ASPH: variants seen among roughly 807,000 people sequenced by gnomAD.
The protein encoded by ASPH is aspartyl/asparaginyl beta-hydroxylase.
Under a neutral mutation model 118.4 loss-of-function variants are expected in ASPH, and 100 were observed. That is an observed-to-expected ratio of 0.84 (90% CI 0.72 to 1.00). The LOEUF (loss-of-function observed/expected upper bound fraction) is 1.00. Among genes scored for constraint, ASPH ranks in the 50% least tolerant of loss-of-function variants. The pLI is 0.00. For synonymous variants in ASPH, 315 were observed against 325.6 expected, an observed-to-expected ratio of 0.97 and a Z score of 0.35; for missense variants, 920 against 919.5, an observed-to-expected ratio of 1.00 and a Z score of -0.01.
intron 3 of ASPH, chr8:61,663,642 G>A (rs141719917): frequency 1.0e-6 from 1 of 985,258 alleles, no homozygotes; most frequent in Non-Finnish European, 1.2e-6. Context: ...CTTGTAATGT[G>A]TAAAAATGGC....
At chr8:61,630,534 A>G (rs1357837314) in intron 13 of ASPH, among the ~76,000 whole-genome samples, 3 of 152,198 alleles carry the variant, frequency 2.0e-5, no homozygotes, top group Non-Finnish European at 4.4e-5. Flanking sequence ...TCATGTAGCA[A>G]TGTTTTGGAT....
chr8:61,665,560 AG>A (rs762569931), intron 3 of ASPH: 1 of 1,592,510 alleles, frequency 6.3e-7, no homozygotes, highest in Non-Finnish European at 8.6e-7. Context: ...TCCTTGACTC[AG>A]GTTTCTCTTT....
chr8:61,534,792 C>T (rs745701508), intron 21 of ASPH, among the ~76,000 whole-genome samples: 37 of 152,314 alleles, frequency 2.4e-4, no homozygotes, highest in Non-Finnish European at 3.7e-4. Flanking sequence ...ATTTCAGTAA[C>T]GGGATTTACG....
At chr8:61,510,703 G>A (rs887263516) in intron 24 of ASPH, among the ~76,000 whole-genome samples, 2 of 152,156 alleles carry the variant, frequency 1.3e-5, no homozygotes, top group Non-Finnish European at 2.9e-5. Flanking sequence ...GTCAAGACAT[G>A]GTATGGATGT....
At chr8:61,666,550 A>C (rs1047105034) in intron 3 of ASPH, among the ~76,000 whole-genome samples, 1 of 152,234 alleles carries the variant, frequency 6.6e-6, no homozygotes, top group Non-Finnish European at 1.5e-5. Context: ...TTTGCCCATC[A>C]AAATCACATA....
chr8:61,628,323 C>CTTT (rs398008041), intron 13 of ASPH: 84 of 196,652 alleles, frequency 4.3e-4, no homozygotes, highest in South Asian at 9.5e-4. Context: ...CCAAGCCCGG[C>CTTT]TTTTTTTTTT....
chr8:61,612,534 G>A (rs1249444574), intron 14 of ASPH, among the ~76,000 whole-genome samples: 1 of 151,934 alleles, frequency 6.6e-6, no homozygotes, highest in Non-Finnish European at 1.5e-5. Flanking sequence ...CCACCACCTG[G>A]CTAATTTTTG....
intron 1 of ASPH, among the ~76,000 whole-genome samples, chr8:61,704,534 T>TAA (rs1836101667): frequency 6.6e-6 from 1 of 151,644 alleles, no homozygotes; most frequent in Non-Finnish European, 1.5e-5. Context: ...ATATCAGCAT[T>TAA]AAAAATAAAA....
intron 18 of ASPH, among the ~76,000 whole-genome samples, chr8:61,561,333 T>C (rs1189406019): frequency 2.6e-5 from 4 of 152,236 alleles, no homozygotes; most frequent in African/African-American, 9.7e-5. Flanking sequence ...AAATGCAATG[T>C]TCCACATGGA....
intron 13 of ASPH, among the ~76,000 whole-genome samples, chr8:61,631,055 T>A (rs72659021): frequency 1.3e-5 from 2 of 152,148 alleles, no homozygotes; most frequent in African/African-American, 4.8e-5. Context: ...AAAATAAAAA[T>A]GCTTATAAAA....
intron 14 of ASPH, among the ~76,000 whole-genome samples, chr8:61,615,273 G>A (rs1848650598): frequency 6.6e-6 from 1 of 152,056 alleles, no homozygotes; most frequent in African/African-American, 2.4e-5. Flanking sequence ...TCTCCCAGAC[G>A]CCGGTGCAAC....
chr8:61,711,471 G>A (rs1254130777), intron 1 of ASPH, among the ~76,000 whole-genome samples: 1 of 152,000 alleles, frequency 6.6e-6, no homozygotes, highest in South Asian at 2.1e-4. Context: ...ATATTATAAA[G>A]AGTAAAACTG....
At chr8:61,713,503 A>G (rs545255711) in intron 1 of ASPH, among the ~76,000 whole-genome samples, 34 of 152,202 alleles carry the variant, frequency 2.2e-4, no homozygotes, top group Non-Finnish European at 4.7e-4. Context: ...TGCAGTTTCA[A>G]TATCCCAAAT....
intron 15 of ASPH, among the ~76,000 whole-genome samples, chr8:61,580,283 G>T (rs1837077448): frequency 6.6e-6 from 1 of 152,174 alleles, no homozygotes; most frequent in South Asian, 2.1e-4. Flanking sequence ...GACTCTATGT[G>T]GGGGATCCAA....
chr8:61,533,029 C>A (rs1247192330), intron 21 of ASPH, among the ~76,000 whole-genome samples: 1 of 152,042 alleles, frequency 6.6e-6, no homozygotes, highest in Non-Finnish European at 1.5e-5. Flanking sequence ...CTCAGTGGCA[C>A]CCTTCAACCT....
Position 61,638,318 on chromosome 8 carries a change from T to A in ASPH, c.832+4A>T. 6.3e-7 allele frequency: 1 copy of A among 1,597,986 alleles called. No homozygotes were observed. The highest frequency in any genetic ancestry group is 8.5e-7 in the Non-Finnish European group (1 of 1,175,704). ...GAAAATATGTGCTTACAGAAAAAAC[T>A]TACCTGTGATTTCTATCCCTTCATT... On this transcript the variant is annotated splice_donor_region_variant and intron_variant, in intron 11 of 24. Coordinates refer to ENST00000379454, the MANE Select transcript of ASPH (RefSeq NM_004318.4).
At chr8:61,593,598 T>C (rs1044308022) in intron 14 of ASPH, among the ~76,000 whole-genome samples, 2 of 152,210 alleles carry the variant, frequency 1.3e-5, no homozygotes, top group Non-Finnish European at 2.9e-5. Context: ...GCTGGGAGCA[T>C]TCAATGGAGA....
At chr8:61,626,440 C>T (rs1190907744) in intron 13 of ASPH, among the ~76,000 whole-genome samples, 1 of 151,958 alleles carries the variant, frequency 6.6e-6, no homozygotes, top group Non-Finnish European at 1.5e-5. Flanking sequence ...TAATCAACTA[C>T]CGAAAGAAGC....
chr8:61,661,645 C>T (rs369668389), intron 3 of ASPH: 3 of 255,782 alleles, frequency 1.2e-5, no homozygotes, highest in South Asian at 1.7e-4. Context: ...TAAAACATTT[C>T]AAATTACAAA....
Sources: allele counts gnomAD v4.1 joint callset (sites outside exome capture counted in the v4.1 genomes callset), GRCh38; gene constraint gnomAD v4.1.1; transcripts MANE v1.5; gene names NCBI Gene and HGNC (gene_info 2026-07-23, HGNC 2026-07-21).